Variants in RASGRF2 observed in about 807,000 individuals in gnomAD.
RASGRF2 encodes ras-specific guanine nucleotide-releasing factor 2.
Under a neutral mutation model 151.0 loss-of-function variants are expected in RASGRF2, and 76 were observed. That is an observed-to-expected ratio of 0.50 (90% confidence interval 0.42 to 0.61). The LOEUF is 0.61. Ranked by LOEUF, RASGRF2 falls within the 20% of genes least tolerant of loss-of-function variation. The pLI is 0.00. For synonymous variants in RASGRF2, 504 were observed against 566.5 expected (o/e 0.89, Z 1.57); for missense variants, 1,148 against 1,564.6 (o/e 0.73, Z 4.49).
At chr5:81,105,745 A>G (rs528636715) in intron 12 of RASGRF2, among the ~76,000 whole-genome samples, 10 of 152,212 alleles carry the variant, frequency 6.6e-5, no homozygotes, top group African/African-American at 2.4e-4. Flanking sequence ...GTGAAGGAGC[A>G]CTTACCCTTG....
chr5:81,052,579 GAA>G (rs1292043055), intron 2 of RASGRF2, among the ~76,000 whole-genome samples: 1 of 152,180 alleles, frequency 6.6e-6, no homozygotes, highest in Admixed American at 6.5e-5. Flanking sequence ...TCAGTAGAGA[GAA>G]GACATTGGTG....
intron 1 of RASGRF2, among the ~76,000 whole-genome samples, chr5:81,006,928 C>T (rs1272785404): frequency 6.6e-6 from 1 of 152,100 alleles, no homozygotes; most frequent in East Asian, 1.9e-4. Flanking sequence ...AGACATTGTC[C>T]CAGGCCATTG....
intron 5 of RASGRF2, among the ~76,000 whole-genome samples, chr5:81,077,722 G>T (rs1379564885): frequency 6.6e-6 from 1 of 152,186 alleles, no homozygotes; most frequent in Non-Finnish European, 1.5e-5. Context: ...GCAGTGGATG[G>T]GATTGTGTAC....
At position 80,960,640 on chromosome 5, in the gene RASGRF2, G is replaced by T. The variant is rs1373517394; in HGVS notation, c.-99G>T. On this transcript the variant is annotated 5_prime_UTR_variant, in exon 1 of 27. Coordinates refer to ENST00000265080, the MANE Select transcript of RASGRF2 (RefSeq NM_006909.3). This position sits in a 1 kb window ranked among gnomAD's most constrained non-coding sequence, Gnocchi z 5.5. ...GGAAAGGGGGCGCCCTTCGCCGGCC[G>T]GGACCTGAGCGGTCGCGCCCTCGAG... 16 of 1,137,850 alleles carry T rather than the reference G, an allele frequency of 1.4e-5. No individual in the cohort carries two copies. Among genetic ancestry groups the T allele is most frequent in the Non-Finnish European group, 1.8e-5 (16 of 895,032 alleles). 70.5% of individuals were successfully genotyped at this position (1,137,850 alleles called of 1,614,324 possible). A position where few individuals can be genotyped will look rare whatever the true frequency, so the allele number is the denominator to read the frequency against.
intron 17 of RASGRF2, among the ~76,000 whole-genome samples, chr5:81,132,461 G>A (rs1419546142): frequency 1.3e-5 from 2 of 152,290 alleles, no homozygotes; most frequent in African/African-American, 2.4e-5. Context: ...TCAGCAAGCA[G>A]GTTTTGAGTG....
At chr5:81,077,020 G>A (rs1751959400) in intron 5 of RASGRF2, among the ~76,000 whole-genome samples, 1 of 152,178 alleles carries the variant, frequency 6.6e-6, no homozygotes, top group East Asian at 1.9e-4. Context: ...AGTTGAAGCT[G>A]TATACAAGGA....
chr5:81,113,213 G>T (rs1561212419), intron 14 of RASGRF2, among the ~76,000 whole-genome samples: 1 of 152,036 alleles, frequency 6.6e-6, no homozygotes, highest in Non-Finnish European at 1.5e-5. Context: ...GTGGTGTGGG[G>T]AGGGTGTCTT....
chr5:80,962,195 G>T (rs551987513), intron 1 of RASGRF2, among the ~76,000 whole-genome samples: 71 of 152,296 alleles, frequency 4.7e-4, no homozygotes, highest in African/African-American at 1.7e-3. Context: ...ATCATTAACA[G>T]ACTTAAGTGA....
intron 1 of RASGRF2, among the ~76,000 whole-genome samples, chr5:81,005,273 T>G (rs1272406657): frequency 3.3e-5 from 5 of 152,062 alleles, no homozygotes; most frequent in African/African-American, 1.2e-4. Flanking sequence ...AAACCGACAA[T>G]CATGGCGGAA....
At chr5:80,969,123 CTTTTTTTTTTTTT>C (rs551407326) in intron 1 of RASGRF2, among the ~76,000 whole-genome samples, 1 of 93,358 alleles carries the variant, frequency 1.1e-5, no homozygotes. Context: ...GTGCAGGACT[CTTTTTTTTTTTTT>C]TTTTTTTTTT....
intron 2 of RASGRF2, among the ~76,000 whole-genome samples, chr5:81,050,470 T>C (rs1750975690): frequency 6.6e-6 from 1 of 152,184 alleles, no homozygotes; most frequent in South Asian, 2.1e-4. Context: ...TACCCAATGC[T>C]AGGCTTTGCT....
chr5:80,990,137 A>C (rs1366567054), intron 1 of RASGRF2, among the ~76,000 whole-genome samples: 2 of 152,086 alleles, frequency 1.3e-5, no homozygotes, highest in East Asian at 3.9e-4. Context: ...TCATTTTCTT[A>C]GAACACAGGT....
intron 15 of RASGRF2, among the ~76,000 whole-genome samples, chr5:81,114,620 G>T (rs1281686511): frequency 3.3e-5 from 5 of 152,168 alleles, no homozygotes; most frequent in African/African-American, 1.2e-4. Context: ...GTGAGACATG[G>T]ATCCTGTCCC....
At chr5:81,093,476 A>G (rs1422788830) in intron 10 of RASGRF2, among the ~76,000 whole-genome samples, 1 of 152,128 alleles carries the variant, frequency 6.6e-6, no homozygotes. Context: ...CAGCAGCGTG[A>G]TCATAGCTCA....
Position 81,083,189 on chromosome 5 carries a change from T to C in RASGRF2, c.1161+2400T>C, listed in dbSNP as rs1046933677. Among the ~76,000 whole-genome samples, 3 of 152,244 alleles carry C rather than the reference T, an allele frequency of 2.0e-5. No individual in the cohort carries two copies. In the East Asian group the frequency reaches 5.8e-4, roughly 30 times the overall value. On this transcript the variant is annotated intron_variant, in intron 7 of 26. Transcript: ENST00000265080. ...GGGTCCGGTTGTATCTGCTTCTCTC[T>C]GTATTAGCAGTGGTACTTCTGCATG...
Position 80,960,607 on chromosome 5 carries a change from C to G in RASGRF2, c.-132C>G. 1 of 906,646 alleles carries G rather than the reference C, an allele frequency of 1.1e-6. No homozygotes were observed. The highest frequency in any genetic ancestry group is 1.4e-6 in the Non-Finnish European group (1 of 694,078). The allele number at this position is 906,646 out of a possible 1,614,324, so 56.2% of individuals were successfully genotyped here. A position where few individuals can be genotyped will look rare whatever the true frequency, so the allele number is the denominator to read the frequency against. ...GAAAGCGGGCGGGGTGCCCTGCGCG[C>G]GGCGTGGGGAAAGGGGGCGCCCTTC... On this transcript the variant is annotated 5_prime_UTR_variant, in exon 1 of 27. Transcript: ENST00000265080. The surrounding 1 kb of genome is among the most constrained non-coding windows in gnomAD (Gnocchi z 5.5).
At chr5:81,002,883 C>T (rs908530175) in intron 1 of RASGRF2, among the ~76,000 whole-genome samples, 5 of 151,994 alleles carry the variant, frequency 3.3e-5, no homozygotes, top group Non-Finnish European at 1.5e-5. Context: ...CTTTGTTCAT[C>T]GAGCTGCTTA....
At chr5:80,972,645 A>T (rs1177530583) in intron 1 of RASGRF2, among the ~76,000 whole-genome samples, 1 of 152,036 alleles carries the variant, frequency 6.6e-6, no homozygotes, top group Non-Finnish European at 1.5e-5. Flanking sequence ...ACACCCAGCT[A>T]ATTTTTATGT....
intron 17 of RASGRF2, among the ~76,000 whole-genome samples, chr5:81,140,069 T>G (rs1296574043): frequency 6.6e-6 from 1 of 152,160 alleles, no homozygotes; most frequent in African/African-American, 2.4e-5. Context: ...CCTTAAGTGA[T>G]CCTCCTGCCT....
Sources: allele counts gnomAD v4.1 joint callset (sites outside exome capture counted in the v4.1 genomes callset), GRCh38; gene constraint gnomAD v4.1.1; non-coding constraint Gnocchi (gnomAD v3.1); transcripts MANE v1.5; gene names NCBI Gene and HGNC (gene_info 2026-07-23, HGNC 2026-07-21).